GRAMD4: variants seen among roughly 807,000 people sequenced by gnomAD.
The protein encoded by GRAMD4 is GRAM domain containing 4, also known as GRAM domain-containing protein 4.
Under a neutral mutation model 83.9 loss-of-function variants are expected in GRAMD4, and 25 were observed. That is an observed-to-expected ratio of 0.30 (90% CI 0.22 to 0.42). The LOEUF (loss-of-function observed/expected upper bound fraction) is 0.42. GRAMD4 is among the 10% of genes least tolerant of loss of function. The pLI is 1.00. For synonymous variants in GRAMD4, 336 were observed against 320.9 expected, an observed-to-expected ratio of 1.05 and a Z score of -0.50; for missense variants, 593 against 788.7, an observed-to-expected ratio of 0.75 and a Z score of 2.97.
At chr22:46,586,016 T>TG (rs961223026) in intron 1 of GRAMD4, among the ~76,000 whole-genome samples, 4 of 152,098 alleles carry the variant, frequency 2.6e-5, no homozygotes, top group African/African-American at 9.7e-5. Flanking sequence ...CTCTGTGCTA[T>TG]GGGGCTAGGC....
chr22:46,674,190 C>A (rs905796250), intron 15 of GRAMD4, among the ~76,000 whole-genome samples: 1 of 152,248 alleles, frequency 6.6e-6, no homozygotes, highest in Non-Finnish European at 1.5e-5. Flanking sequence ...ACAGGTGACT[C>A]AGGATCCTGG....
chr22:46,601,646 A>T (rs2081313486), intron 1 of GRAMD4, among the ~76,000 whole-genome samples: 1 of 152,126 alleles, frequency 6.6e-6, no homozygotes, highest in African/African-American at 2.4e-5. Context: ...AAATAAAAAA[A>T]TTAGCCAGAC....
At chr22:46,625,711 G>C (rs960302462) in intron 1 of GRAMD4, among the ~76,000 whole-genome samples, 1 of 152,270 alleles carries the variant, frequency 6.6e-6, no homozygotes, top group Admixed American at 6.5e-5. Flanking sequence ...ATGGAGCTGC[G>C]TGATGGGGCT....
At chr22:46,629,031 G>A (rs1390342562) in intron 2 of GRAMD4, among the ~76,000 whole-genome samples, 1 of 152,078 alleles carries the variant, frequency 6.6e-6, no homozygotes, top group Non-Finnish European at 1.5e-5. Flanking sequence ...AAATGCTGCA[G>A]AGGCCAGGGC....
intron 3 of GRAMD4, among the ~76,000 whole-genome samples, chr22:46,647,124 T>G (rs978020106): frequency 2.0e-5 from 3 of 152,134 alleles, no homozygotes; most frequent in African/African-American, 7.2e-5. Context: ...GGCCAGACAC[T>G]GGGTTGGTCT....
chr22:46,626,674 T>C lies in GRAMD4; in HGVS notation c.-49-77T>C, dbSNP rs151288840. 3.2e-4 allele frequency: 280 copies of C among 865,284 alleles called. No individual in the cohort carries two copies. The African/African-American group carries it at 4.6e-3, about 14-fold the overall frequency. 53.6% of individuals were successfully genotyped at this position (865,284 alleles called of 1,614,324 possible). A position where few individuals can be genotyped will look rare whatever the true frequency, so the allele number is the denominator to read the frequency against. On this transcript the variant is annotated intron_variant, in intron 1 of 18. Transcript: ENST00000406902. ...GTTTTCTTTGGAAAGCTGGACCGGC[T>C]GTGCCCTGTGTGTGGGAGCTGGCTC...
chr22:46,644,728 T>G (rs1166222626), intron 3 of GRAMD4, among the ~76,000 whole-genome samples: 2 of 102,728 alleles, frequency 1.9e-5, no homozygotes, highest in African/African-American at 3.8e-5. Flanking sequence ...TTTTTTTTTT[T>G]TTTTTTACTT....
intron 1 of GRAMD4, among the ~76,000 whole-genome samples, chr22:46,609,363 T>C (rs2081396204): frequency 6.6e-6 from 1 of 152,220 alleles, no homozygotes; most frequent in Non-Finnish European, 1.5e-5. Context: ...GGCTTGTATG[T>C]ATCCCAGGGC....
intron 1 of GRAMD4, among the ~76,000 whole-genome samples, chr22:46,578,826 G>T (rs975180348): frequency 6.6e-6 from 1 of 152,148 alleles, no homozygotes; most frequent in Non-Finnish European, 1.5e-5. Flanking sequence ...CCTTGCTCCT[G>T]CCTTGGCAGC....
At chr22:46,663,959 C>A (rs932725588) in intron 7 of GRAMD4, 67 bp from the exon 8 acceptor site, 1 of 1,572,634 alleles carries the variant, frequency 6.4e-7, no homozygotes, top group Non-Finnish European at 8.7e-7. Flanking sequence ...AACCGACTCT[C>A]CAGGGAGACG....
intron 1 of GRAMD4, among the ~76,000 whole-genome samples, chr22:46,607,406 C>T (rs374977920): frequency 6.6e-6 from 1 of 152,160 alleles, no homozygotes; most frequent in East Asian, 1.9e-4. Flanking sequence ...ACCTGCCAGG[C>T]TGGGTGACAG....
At chr22:46,614,910 T>TGTGCGTGTAGGTTCCCCC (rs2081458178) in intron 1 of GRAMD4, among the ~76,000 whole-genome samples, 1 of 150,838 alleles carries the variant, frequency 6.6e-6, no homozygotes, top group Non-Finnish European at 1.5e-5. Flanking sequence ...TAGGTTCCCC[T>TGTGCGTGTAGGTTCCCCC]GTGCGTCTGG....
chr22:46,668,764 C>G, intron 12 of GRAMD4, 32 bp downstream of exon 12: 1 of 1,175,880 alleles, frequency 8.5e-7, no homozygotes, highest in South Asian at 1.2e-5. Context: ...GGCCCTGCGG[C>G]GCCCGCCCGG....
chr22:46,672,692 G>A lies in GRAMD4; in HGVS notation c.1085-151G>A. On this transcript the variant is annotated intron_variant, in intron 13 of 18. Transcript: ENST00000406902. This position sits in a 1 kb window ranked among gnomAD's most constrained non-coding sequence, Gnocchi z 4.7. ...GGGAGCGAGGCTGGGGGTATCCAGG[G>A]TGAGGACTGAGCGAGCAGCTGGACT... is the stretch of plus-strand genomic sequence containing the variant. 1 of 632,878 alleles carries A rather than the reference G, an allele frequency of 1.6e-6. No individual in the cohort carries two copies. Among genetic ancestry groups the A allele is most frequent in the Non-Finnish European group, 2.8e-6 (1 of 359,740 alleles). 39.2% of individuals were successfully genotyped at this position (632,878 alleles called of 1,614,324 possible). A position where few individuals can be genotyped will look rare whatever the true frequency, so the allele number is the denominator to read the frequency against.
At chr22:46,673,123 C>A in intron 14 of GRAMD4, 126 bp downstream of exon 14, 3 of 789,494 alleles carry the variant, frequency 3.8e-6, no homozygotes, top group Non-Finnish European at 5.8e-6. Context: ...TTATAGACTC[C>A]TTAAACTTGA....
In GRAMD4 at chr22:46,673,753, C is replaced by T. The variant is rs752347180; in HGVS notation, c.1323C>T (p.Ser441=). The T allele has an allele frequency of 1.9e-6, 3 of 1,613,048 alleles. No individual in the cohort carries two copies. Among genetic ancestry groups the T allele is most frequent in the East Asian group, 4.5e-5 (2 of 44,872 alleles). Reference sequence around the variant, plus strand: ...AGGAGGACGCCGGTCGCTTCCACAGCACCAAGAAGGGCAATTTCCACGAGA... The same window carrying T: ...AGGAGGACGCCGGTCGCTTCCACAGTACCAAGAAGGGCAATTTCCACGAGA... ...GKEEDAGRFH[S]TKKGNFHEIF... The change falls in exon 15 of 19, where the codon AGC becomes AGT. Residue 441 remains serine (S), a synonymous_variant. Coordinates refer to ENST00000406902, the MANE Select transcript of GRAMD4 (RefSeq NM_015124.5).
intron 3 of GRAMD4, among the ~76,000 whole-genome samples, chr22:46,652,579 G>A (rs62233626): frequency 0.07 from 10,679 of 152,296 alleles, 524 homozygotes; most frequent in Non-Finnish European, 0.11. Flanking sequence ...CCACCCTGCA[G>A]GACACCTTGG....
upstream of GRAMD4, among the ~76,000 whole-genome samples, chr22:46,619,620 CCTT>C (rs1256465535): frequency 6.6e-6 from 1 of 152,168 alleles, no homozygotes; most frequent in Non-Finnish European, 1.5e-5. Flanking sequence ...TAGAACCAGG[CCTT>C]CTTTGCTGGC....
intron 2 of GRAMD4, among the ~76,000 whole-genome samples, chr22:46,637,499 A>G (rs1031504587): frequency 1.2e-4 from 18 of 152,154 alleles, no homozygotes; most frequent in African/African-American, 4.1e-4. Flanking sequence ...TCGGCCTCCC[A>G]AAGTGCTGGG....
Sources: gnomAD v4.1 joint callset for allele counts (sites outside exome capture counted in the v4.1 genomes callset) on GRCh38, gnomAD v4.1.1 for gene constraint, Gnocchi (gnomAD v3.1) non-coding constraint, MANE v1.5 for transcripts, NCBI Gene and HGNC (gene_info 2026-07-23, HGNC 2026-07-21) for gene names.